Variants in LPCAT2 observed in about 807,000 individuals in gnomAD.
LPCAT2 encodes 1-AGP acyltransferase 11.
In LPCAT2, 58 loss-of-function variants were observed where a neutral mutation model predicts 64.7. The observed-to-expected ratio is 0.90, with a 90% CI of 0.73 to 1.12. The LOEUF is 1.12. Among genes scored for constraint, LPCAT2 ranks in the 50% most tolerant of loss-of-function variants. The pLI, the probability that LPCAT2 is intolerant of heterozygous loss-of-function variation, is 0.00. For synonymous variants in LPCAT2, 252 were observed against 245.3 expected (o/e 1.03, Z -0.26); for missense variants, 579 against 669.8 (o/e 0.86, Z 1.50).
chr16:55,541,291 G>T (rs1247580618), intron 8 of LPCAT2: 4 of 151,820 alleles, frequency 2.6e-5, no homozygotes, highest in East Asian at 1.9e-4. Flanking sequence ...AGAAAGGTTT[G>T]TTTTTTTAAT....
Position 55,549,237 on chromosome 16 carries a change from TA to T in LPCAT2, c.936-32del, listed in dbSNP as rs1555496863. The stretch of plus-strand genomic sequence containing the variant: ...AGTGAAATATGATTACTTTTTTTTT[TA>T]AAAAAAATGAATTTTAGTTTGCTTC... On this transcript the variant is annotated intron_variant, in intron 9 of 13. Transcript: ENST00000262134. The T allele has an allele frequency of 2.2e-4, 293 of 1,332,538 alleles. 2 individuals are homozygous for T. The highest frequency in any genetic ancestry group is 1.8e-3 in the African/African-American group (115 of 64,466). The allele number at this position is 1,332,538 out of a possible 1,614,324, so 82.5% of individuals were successfully genotyped here.
At chr16:55,522,702 A>G (rs1963114450) in intron 1 of LPCAT2, among the ~76,000 whole-genome samples, 1 of 151,680 alleles carries the variant, frequency 6.6e-6, no homozygotes, top group Admixed American at 6.6e-5. Context: ...AAAGTTACCA[A>G]GAAAATTCAT....
intron 1 of LPCAT2, among the ~76,000 whole-genome samples, chr16:55,514,524 G>A (rs1962979772): frequency 6.6e-6 from 1 of 152,138 alleles, no homozygotes; most frequent in Non-Finnish European, 1.5e-5. Flanking sequence ...AAGAATAAAA[G>A]CTTTACAAAT....
chr16:55,567,077 C>T, intron 11 of LPCAT2: 1 of 1,613,780 alleles, frequency 6.2e-7, no homozygotes, highest in Non-Finnish European at 8.5e-7. Flanking sequence ...TCAACAAAGT[C>T]CTTTCTAAGC....
At chr16:55,555,190 A>C (rs2142403001) in intron 11 of LPCAT2, among the ~76,000 whole-genome samples, 1 of 152,252 alleles carries the variant, frequency 6.6e-6, no homozygotes, top group East Asian at 1.9e-4. Flanking sequence ...GTTACAAAAA[A>C]TACATTGTCT....
chr16:55,545,665 A>C, intron 8 of LPCAT2, 70 bp from the exon 9 acceptor site: 2 of 978,696 alleles, frequency 2.0e-6, no homozygotes, highest in South Asian at 1.5e-5. Context: ...ATAATGTATA[A>C]ATTAATTTAC....
chr16:55,550,968 C>T lies in LPCAT2; in HGVS notation c.1081C>T (p.Arg361Cys), dbSNP rs779380424. The T allele has an allele frequency of 2.8e-5, 45 of 1,600,876 alleles. No individual in the cohort carries two copies. The highest frequency in any genetic ancestry group is 5.4e-5 in the African/African-American group (4 of 74,698). Residue 361 changes from arginine (R) to cysteine (C), a missense_variant, in exon 11 of 14, where the codon CGT becomes TGT. By Grantham distance (180) the Arg-to-Cys change is radical. Transcript: ENST00000262134. ...GTTTAGATTAGATTGGGATGGTGTT[C>T]GTAAGCATTTGGATGAATATGCATC... ...RKLKLDWDGV[R>C]KHLDEYASIA...
chr16:55,578,161 A>C (rs1418008255), intron 12 of LPCAT2, among the ~76,000 whole-genome samples: 1 of 152,132 alleles, frequency 6.6e-6, no homozygotes, highest in Non-Finnish European at 1.5e-5. Context: ...CTCATACCTC[A>C]GCTGTTGCTG....
chr16:55,564,053 C>T (rs1405067624), intron 11 of LPCAT2, among the ~76,000 whole-genome samples: 1 of 151,738 alleles, frequency 6.6e-6, no homozygotes, highest in Non-Finnish European at 1.5e-5. Flanking sequence ...ATTTTATACA[C>T]CAACAATGAA....
chr16:55,542,951 C>A (rs188713132), intron 8 of LPCAT2, among the ~76,000 whole-genome samples: 90 of 152,120 alleles, frequency 5.9e-4, no homozygotes, highest in Middle Eastern at 3.4e-3. Flanking sequence ...AACTTGGGGG[C>A]TTGAAGTCAT....
chr16:55,559,085 T>C (rs148065158), intron 11 of LPCAT2, among the ~76,000 whole-genome samples: 2 of 152,272 alleles, frequency 1.3e-5, no homozygotes, highest in East Asian at 3.9e-4. Context: ...AGTGAGGAAA[T>C]TGATTTCTAA....
At chr16:55,536,712 T>C (rs1477310852) in intron 7 of LPCAT2, among the ~76,000 whole-genome samples, 1 of 152,338 alleles carries the variant, frequency 6.6e-6, no homozygotes, top group East Asian at 1.9e-4. Context: ...ATGTGTAGTT[T>C]AATCCATTCT....
intron 11 of LPCAT2, among the ~76,000 whole-genome samples, chr16:55,556,201 T>C (rs1328602984): frequency 6.6e-6 from 1 of 152,220 alleles, no homozygotes; most frequent in Non-Finnish European, 1.5e-5. Context: ...CTGAGATTTA[T>C]ATAGCATTTT....
intron 3 of LPCAT2, among the ~76,000 whole-genome samples, chr16:55,529,305 AT>A (rs146903023): frequency 0.024 from 3,604 of 148,420 alleles, 133 homozygotes; most frequent in African/African-American, 0.079. Context: ...CAGCTAAGAC[AT>A]TTTTTTTTTA....
At chr16:55,551,720 C>T (rs1490334467) in intron 11 of LPCAT2, among the ~76,000 whole-genome samples, 1 of 152,012 alleles carries the variant, frequency 6.6e-6, no homozygotes, top group Non-Finnish European at 1.5e-5. Context: ...AAAAAGTTTC[C>T]CTAGGAAAAC....
intron 2 of LPCAT2, 43 bp downstream of exon 2, chr16:55,525,690 A>G (rs1162340801): frequency 1.4e-6 from 2 of 1,447,922 alleles, no homozygotes; most frequent in African/African-American, 2.9e-5. Context: ...ATAATATTAA[A>G]TTAAGATATA....
chr16:55,529,451 A>G (rs759710975), intron 3 of LPCAT2, among the ~76,000 whole-genome samples: 3 of 152,224 alleles, frequency 2.0e-5, no homozygotes, highest in Non-Finnish European at 4.4e-5. Flanking sequence ...AAATTGCAGT[A>G]TTATGAGTAA....
chr16:55,532,755 T>G, intron 5 of LPCAT2, 69 bp from the exon 6 acceptor site: 1 of 1,005,284 alleles, frequency 9.9e-7, no homozygotes, highest in East Asian at 2.6e-5. Context: ...TACTATTTAT[T>G]AATTTTCTCT....
At chr16:55,567,305 C>T (rs1282203556) in intron 11 of LPCAT2, 1 of 1,613,470 alleles carries the variant, frequency 6.2e-7, no homozygotes, top group Non-Finnish European at 8.5e-7. Context: ...CCGCAGGCTT[C>T]CAGCTAAATG....
Sources: gnomAD v4.1 joint callset for allele counts (sites outside exome capture counted in the v4.1 genomes callset) on GRCh38, gnomAD v4.1.1 for gene constraint, MANE v1.5 for transcripts, NCBI Gene and HGNC (gene_info 2026-07-23, HGNC 2026-07-21) for gene names.